The following IFIH1 variants were observed in gnomAD, a reference collection of about 807,000 sequenced individuals.
The protein encoded by IFIH1 is interferon-induced helicase C domain-containing protein 1.
IFIH1 carries 125 observed loss-of-function variants against 107.4 expected under a neutral mutation model. The ratio of observed to expected loss-of-function variants is 1.16; its 90% CI spans 1.01 to 1.35. The LOEUF (loss-of-function observed/expected upper bound fraction) is 1.35. Ranked by LOEUF, IFIH1 falls within the 40% of genes most tolerant of loss-of-function variation. IFIH1 has a pLI of 0.00. For synonymous variants in IFIH1, 458 were observed against 413.2 expected, an observed-to-expected ratio of 1.11 and a Z score of -1.31; for missense variants, 1,333 against 1,213.7, an observed-to-expected ratio of 1.10 and a Z score of -1.46.
chr2:162,317,418 AG>A (rs1418554546), intron 1 of IFIH1, among the ~76,000 whole-genome samples: 1 of 152,178 alleles, frequency 6.6e-6, no homozygotes, highest in Non-Finnish European at 1.5e-5. Flanking sequence ...CACTATCACA[AG>A]CTAAATTCTT....
rs1691102457 is a variant in IFIH1, at chr2:162,274,075, C to T, written c.2305-131G>A. The T allele has an allele frequency of 8.4e-6, 5 of 592,888 alleles. No homozygotes were observed. In the Admixed American group the frequency reaches 1.9e-4, roughly 23 times the overall value. 36.7% of individuals were successfully genotyped at this position (592,888 alleles called of 1,614,324 possible). ...GATTAGATCATACATGGATTTGTTGCCATCTGTTTTTGGCATTGAACAAAG... is the reference window on the plus strand; with the variant it reads ...GATTAGATCATACATGGATTTGTTGTCATCTGTTTTTGGCATTGAACAAAG... On this transcript the variant is annotated intron_variant, in intron 11 of 15. Coordinates refer to ENST00000649979, the MANE Select transcript of IFIH1 (RefSeq NM_022168.4).
intron 2 of IFIH1, among the ~76,000 whole-genome samples, chr2:162,307,942 A>G (rs1683316653): frequency 6.6e-6 from 1 of 152,192 alleles, no homozygotes; most frequent in African/African-American, 2.4e-5. Flanking sequence ...TGAGGTGATA[A>G]GTAATATTAT....
intron 8 of IFIH1, among the ~76,000 whole-genome samples, chr2:162,278,783 T>C (rs1325882999): frequency 3.3e-5 from 5 of 152,140 alleles, no homozygotes; most frequent in Admixed American, 3.3e-4. Flanking sequence ...GAGTGCATGC[T>C]ATATGATTCC....
chr2:162,314,393 TCCC>T (rs1433647659), intron 1 of IFIH1, among the ~76,000 whole-genome samples: 464 of 41,942 alleles, frequency 0.011, 15 homozygotes, highest in South Asian at 0.029. Flanking sequence ...CCTCCCTCCC[TCCC>T]TCCTTTCTTT....
In IFIH1 at chr2:162,276,948, T is replaced by C. The variant is rs1157874873; in HGVS notation, c.2045-2A>G. On this transcript the variant is annotated splice_acceptor_variant, in intron 10 of 15. Coordinates refer to ENST00000649979, the MANE Select transcript of IFIH1 (RefSeq NM_022168.4). LOFTEE classifies it high-confidence loss of function. ...GCCTTTTCAACATTTTATTGTTTTC[T>C]TTAAGAAATAATTAGAGTTGATATG... 3 of 1,591,778 alleles carry C rather than the reference T, an allele frequency of 1.9e-6. No homozygotes were observed. Among genetic ancestry groups the C allele is most frequent in the Non-Finnish European group, 2.6e-6 (3 of 1,171,226 alleles).
At chr2:162,280,149 T>C in intron 7 of IFIH1, 37 bp from the exon 8 acceptor site, 1 of 1,103,236 alleles carries the variant, frequency 9.1e-7, no homozygotes, top group South Asian at 1.3e-5. Flanking sequence ...TATGCAATTA[T>C]TTTTCCCTTT....
intron 1 of IFIH1, among the ~76,000 whole-genome samples, chr2:162,314,398 C>CTTT (rs1553461355): frequency 0.052 from 3,479 of 66,748 alleles, 504 homozygotes; most frequent in African/African-American, 0.11. Context: ...CTCCCTCCCT[C>CTTT]CTTTCTTTCT....
Position 162,282,566 on chromosome 2 carries a change from A to G in IFIH1, c.1106T>C (p.Val369Ala). The G allele has an allele frequency of 6.2e-7, 1 of 1,604,086 alleles. No homozygotes were observed. Among genetic ancestry groups the G allele is most frequent in the South Asian group, 1.1e-5 (1 of 89,826 alleles). Residue 369 changes from valine (V) to alanine (A), a missense_variant, in exon 6 of 16, where the codon GTT becomes GCT. Transcript: ENST00000649979. ...VIVLVNKVLL[V>A]EQLFRKEFQP... ...GAACTCCTTGCGGAAGAGCTGTTCAACTAGCAGTACCTTAAAAAAATGTGA... is the reference window on the plus strand; with the variant it reads ...GAACTCCTTGCGGAAGAGCTGTTCAGCTAGCAGTACCTTAAAAAAATGTGA...
chr2:162,289,218 T>C (rs1457183464), intron 4 of IFIH1, among the ~76,000 whole-genome samples: 1 of 151,834 alleles, frequency 6.6e-6, no homozygotes, highest in Non-Finnish European at 1.5e-5. Flanking sequence ...AAGTATAATA[T>C]ATTAAAAATA....
In IFIH1 at chr2:162,267,234, T is replaced by C. The variant is rs547782932; in HGVS notation, c.3044A>G (p.Tyr1015Cys). 10 of 1,603,334 alleles carry C rather than the reference T, an allele frequency of 6.2e-6. No individual in the cohort carries two copies. In the African/African-American group the frequency reaches 9.4e-5, roughly 15 times the overall value. Residue 1015 changes from tyrosine to cysteine, a missense_variant, in exon 16 of 16, where the codon TAT (tyrosine) becomes TGT (cysteine). Coordinates refer to ENST00000649979, the MANE Select transcript of IFIH1 (RefSeq NM_022168.4). ...ATCACTAAATAAACAGCATTCTGAATAGTCAAGATTGGGAAATGTGATAGG... is the reference window on the plus strand; with the variant it reads ...ATCACTAAATAAACAGCATTCTGAACAGTCAAGATTGGGAAATGTGATAGG... Reference protein sequence around the residue: ...ELPITFPNLDYSECCLFSDED With the variant: ...ELPITFPNLDCSECCLFSDED
intron 1 of IFIH1, among the ~76,000 whole-genome samples, chr2:162,316,427 G>A (rs1310118600): frequency 6.6e-6 from 1 of 152,134 alleles, no homozygotes; most frequent in Non-Finnish European, 1.5e-5. Context: ...TACACAAAAC[G>A]ACATAAACAT....
rs1038323284 is a variant in IFIH1 at position 162,297,876 on chromosome 2, A to G, written c.770-4208T>C. Among the ~76,000 whole-genome samples, 4 of 152,242 alleles carry G rather than the reference A, an allele frequency of 2.6e-5. No individual in the cohort carries two copies. In the East Asian group the frequency reaches 7.7e-4, roughly 29 times the overall value. On this transcript the variant is annotated intron_variant, in intron 3 of 15. Coordinates refer to ENST00000649979, the MANE Select transcript of IFIH1 (RefSeq NM_022168.4). ...CAGCAAGTGCCTAAGACCAGCCCAA[A>G]AGCCATGGAAAAAAAAAGCCTTATT...
At chr2:162,269,400 C>A (rs79374421) in intron 13 of IFIH1, among the ~76,000 whole-genome samples, 7,525 of 152,222 alleles carry the variant, frequency 0.049, 666 homozygotes, top group African/African-American at 0.17. Context: ...GAGAAAAGGC[C>A]TGGATTCCTC....
rs529611417 is a variant in IFIH1, at chr2:162,291,508, G to A, written c.874+2056C>T. Among the ~76,000 whole-genome samples the A allele has an allele frequency of 3.4e-3, 506 of 150,596 alleles. 1 individual carries two copies. The highest frequency in any genetic ancestry group is 0.012 in the African/African-American group (483 of 40,912). The stretch of plus-strand genomic sequence containing the variant: ...GAAAATGGGAAACAGAAAAAAAAAA[G>A]CCTCTCATAATATAATTAGAATATT... On this transcript the variant is annotated intron_variant, in intron 4 of 15. Transcript: ENST00000649979.
chr2:162,272,986 A>G (rs1198432751), intron 12 of IFIH1, among the ~76,000 whole-genome samples: 1 of 152,208 alleles, frequency 6.6e-6, no homozygotes, highest in East Asian at 1.9e-4. Flanking sequence ...CCTCAAGGAA[A>G]AATGTATTCT....
chr2:162,308,918 C>T (rs1244610812), intron 2 of IFIH1, among the ~76,000 whole-genome samples: 1 of 152,166 alleles, frequency 6.6e-6, no homozygotes, highest in Non-Finnish European at 1.5e-5. Flanking sequence ...TAAACATTGT[C>T]CAAATCAGAC....
intron 3 of IFIH1, among the ~76,000 whole-genome samples, chr2:162,301,231 G>A (rs1043864532): frequency 1.3e-5 from 2 of 152,136 alleles, no homozygotes; most frequent in East Asian, 3.9e-4. Flanking sequence ...AAATCTTCAC[G>A]TGAACGAATA....
rs765331140 is a variant in IFIH1 at position 162,288,165 on chromosome 2, C to T, written c.1065G>A (p.Glu355=). The change falls in exon 5 of 16, where the codon GAG becomes GAA. Residue 355 remains glutamate (E), a synonymous_variant. Transcript: ENST00000649979. ...DHLDKKKKAS[E]PGKVIVLVNK... is the part of the protein sequence containing the mutation. ...TGACAAGAACTATAACTTTTCCAGG[C>T]TCAGATGCTTTTTTCTTCTTGTCTA... is the stretch of plus-strand genomic sequence containing the variant. 2.5e-6 allele frequency: 4 copies of T among 1,611,976 alleles called. No homozygotes were observed. The highest frequency in any genetic ancestry group is 1.3e-5 in the African/African-American group (1 of 74,754).
chr2:162,267,601 G>A (rs747436121), intron 14 of IFIH1, 32 bp from the exon 15 acceptor site: 6 of 1,470,846 alleles, frequency 4.1e-6, no homozygotes, highest in South Asian at 1.1e-5. Context: ...AATCATCATG[G>A]AGAACTGACA....
Sources: allele counts gnomAD v4.1 joint callset (sites outside exome capture counted in the v4.1 genomes callset), GRCh38; gene constraint gnomAD v4.1.1; transcripts MANE v1.5; gene names NCBI Gene and HGNC (gene_info 2026-07-23, HGNC 2026-07-21).